The following YAP1 variants were observed in gnomAD, a reference collection of about 807,000 sequenced individuals.
The protein encoded by YAP1 is Yes1 associated transcriptional regulator.
In YAP1, 5 loss-of-function variants were observed where a neutral mutation model predicts 56.9. That is an observed-to-expected ratio of 0.09 (90% CI 0.05 to 0.18). The LOEUF is 0.18. YAP1 is among the 10% of genes least tolerant of loss of function. YAP1 has a pLI of 1.00. For missense variants in YAP1, 539 were observed against 651.8 expected (o/e 0.83, Z 1.88); for synonymous variants, 265 against 248.1 (o/e 1.07, Z -0.64).
Position 102,232,546 on chromosome 11 carries a change from C to T in YAP1, c.*2606C>T, listed in dbSNP as rs572137020. The T allele has an allele frequency of 2.0e-5, 3 of 152,646 alleles. No individual in the cohort carries two copies. Among genetic ancestry groups the T allele is most frequent in the African/African-American group, 7.2e-5 (3 of 41,532 alleles). 9.5% of individuals were successfully genotyped at this position (152,646 alleles called of 1,614,324 possible). ...ATCTTACGATGCCCTCTGTACTGAC[C>T]TGAAGGAGACCTAAGAGTCCTTTCC... On this transcript the variant is annotated 3_prime_UTR_variant, in exon 9 of 9. Coordinates refer to ENST00000282441, the MANE Select transcript of YAP1 (RefSeq NM_001130145.3).
At chr11:102,152,954 T>C (rs1591249355) in intron 2 of YAP1, among the ~76,000 whole-genome samples, 1 of 152,160 alleles carries the variant, frequency 6.6e-6, no homozygotes, top group Non-Finnish European at 1.5e-5. Context: ...ATTTGAGCTG[T>C]CCTCAAAGAC....
chr11:102,146,301 G>A lies in YAP1; in HGVS notation c.573-16155G>A, dbSNP rs1197073694. On this transcript the variant is annotated intron_variant, in intron 2 of 8. Transcript: ENST00000282441. Reference sequence around the variant, plus strand: ...ACCTCCCAAAGTGCGAGGGTTACAGGCGTGAGCCACCACACCCGGCCTCTA... The same window carrying A: ...ACCTCCCAAAGTGCGAGGGTTACAGACGTGAGCCACCACACCCGGCCTCTA... 6.6e-5 allele frequency among the ~76,000 whole-genome samples: 10 copies of A among 152,216 alleles called. No individual in the cohort carries two copies. The South Asian group carries it at 2.1e-3, about 32-fold the overall frequency.
chr11:102,228,071 TAAATTGGATATATTA>T (rs1950280284), intron 8 of YAP1, among the ~76,000 whole-genome samples: 1 of 150,474 alleles, frequency 6.6e-6, no homozygotes, highest in South Asian at 2.1e-4. Flanking sequence ...AAAAAAATCA[TAAATTGGATATATTA>T]GCTCTATTTG....
At chr11:102,123,724 C>T (rs1199164600) in intron 2 of YAP1, among the ~76,000 whole-genome samples, 4 of 150,062 alleles carry the variant, frequency 2.7e-5, no homozygotes, top group Non-Finnish European at 3.0e-5. Context: ...ACTGCAAGCT[C>T]CACCTCCTGG....
rs191268118 is a variant in YAP1, at chr11:102,120,025, G to A, written c.572+5631G>A. ...AAGGGAGGTCTTAAAGAGCTGTGTC[G>A]TTCTATAACTGTGGTTACTAGGTGA... On this transcript the variant is annotated intron_variant, in intron 2 of 8. Transcript: ENST00000282441. Among the ~76,000 whole-genome samples, 28 of 152,262 alleles carry A rather than the reference G, an allele frequency of 1.8e-4. No homozygotes were observed. In the East Asian group the frequency reaches 2.7e-3, roughly 15 times the overall value.
rs1419872780 is a variant in YAP1 at position 102,206,036 on chromosome 11, G to A, written c.946G>A (p.Glu316Lys). ...MRLQQLQMEKERLRLKQQELL... is the reference protein window; with the variant it reads ...MRLQQLQMEKKRLRLKQQELL... ...ACTGCAGCAACTGCAGATGGAGAAGGAGAGGCTGCGGCTGAAACAGCAAGA... is the reference window on the plus strand; with the variant it reads ...ACTGCAGCAACTGCAGATGGAGAAGAAGAGGCTGCGGCTGAAACAGCAAGA... Residue 316 changes from glutamate (E) to lysine (K), a missense_variant, in exon 5 of 9, where the codon GAG becomes AAG. This residue lies in a region of YAP1 where 414 missense variants were observed against 512.4 expected (regional missense o/e 0.81). Transcript: ENST00000282441. The A allele has an allele frequency of 6.2e-7, 1 of 1,614,070 alleles. No individual in the cohort carries two copies. The highest frequency in any genetic ancestry group is 2.2e-5 in the East Asian group (1 of 44,876).
chr11:102,210,535 C>T (rs1241654592), intron 6 of YAP1, among the ~76,000 whole-genome samples: 1 of 152,112 alleles, frequency 6.6e-6, no homozygotes, highest in Non-Finnish European at 1.5e-5. Flanking sequence ...CTTTATCTAT[C>T]TCATAAATGC....
At chr11:102,126,437 G>A (rs949611862) in intron 2 of YAP1, among the ~76,000 whole-genome samples, 6 of 152,130 alleles carry the variant, frequency 3.9e-5, no homozygotes, top group East Asian at 1.9e-4. Flanking sequence ...TGCTATTCTC[G>A]TGATAGTGAA....
chr11:102,149,004 A>G (rs752011472), intron 2 of YAP1, among the ~76,000 whole-genome samples: 14 of 152,064 alleles, frequency 9.2e-5, no homozygotes, highest in Admixed American at 5.9e-4. Flanking sequence ...TTACTTTTTT[A>G]CTGCTTTGTG....
intron 2 of YAP1, among the ~76,000 whole-genome samples, chr11:102,128,056 T>C (rs915875462): frequency 6.6e-6 from 1 of 152,160 alleles, no homozygotes; most frequent in Non-Finnish European, 1.5e-5. Context: ...TACAGGCCCA[T>C]AGGTGGAAGG....
At chr11:102,192,823 A>C (rs1948364058) in intron 4 of YAP1, among the ~76,000 whole-genome samples, 1 of 152,238 alleles carries the variant, frequency 6.6e-6, no homozygotes, top group Non-Finnish European at 1.5e-5. Flanking sequence ...CTCTGGTCAC[A>C]GTGTGGAATT....
At chr11:102,129,827 T>A (rs1023104210) in intron 2 of YAP1, among the ~76,000 whole-genome samples, 1 of 120,076 alleles carries the variant, frequency 8.3e-6, no homozygotes, top group Admixed American at 9.6e-5. Context: ...CGAAATGGGG[T>A]CTTGCTCTGT....
intron 4 of YAP1, among the ~76,000 whole-genome samples, chr11:102,196,236 G>C (rs1204801327): frequency 2.0e-5 from 3 of 152,016 alleles, no homozygotes; most frequent in Non-Finnish European, 2.9e-5. Flanking sequence ...TTGTGGGAAC[G>C]TATGTCTCCA....
chr11:102,174,915 A>G (rs1947148042), intron 3 of YAP1, among the ~76,000 whole-genome samples: 3 of 152,134 alleles, frequency 2.0e-5, no homozygotes, highest in African/African-American at 4.8e-5. Context: ...CAGAATTCCA[A>G]TCTAAGCCTT....
intron 2 of YAP1, among the ~76,000 whole-genome samples, chr11:102,136,863 C>T (rs199801286): frequency 2.0e-5 from 3 of 152,234 alleles, no homozygotes; most frequent in East Asian, 1.9e-4. Context: ...TGTTGTCTGT[C>T]GCTGTGTCAG....
At chr11:102,131,917 T>G (rs1257979505) in intron 2 of YAP1, among the ~76,000 whole-genome samples, 1 of 152,026 alleles carries the variant, frequency 6.6e-6, no homozygotes, top group Non-Finnish European at 1.5e-5. Flanking sequence ...GTAAAAGTGA[T>G]ACCAAGCCTG....
At chr11:102,111,206 G>A in intron 1 of YAP1, 37 bp downstream of exon 1, 1 of 1,607,378 alleles carries the variant, frequency 6.2e-7, no homozygotes, top group Non-Finnish European at 8.5e-7. Flanking sequence ...TCCCCGTCGG[G>A]CGGGCCTCAG....
intron 6 of YAP1, among the ~76,000 whole-genome samples, chr11:102,219,787 A>G (rs974997773): frequency 2.0e-5 from 3 of 151,934 alleles, no homozygotes; most frequent in Non-Finnish European, 4.4e-5. Context: ...GTTTTGAGAC[A>G]GAGTCTCGCT....
chr11:102,136,227 T>G (rs536602819), intron 2 of YAP1, among the ~76,000 whole-genome samples: 3 of 152,364 alleles, frequency 2.0e-5, no homozygotes, highest in African/African-American at 7.2e-5. Flanking sequence ...TTATTTTACT[T>G]TCTAAAGCAC....
Sources: gnomAD v4.1 joint callset for allele counts (sites outside exome capture counted in the v4.1 genomes callset) on GRCh38, gnomAD v4.1.1 for gene constraint, gnomAD v4.1.1 regional missense constraint, MANE v1.5 for transcripts, NCBI Gene and HGNC (gene_info 2026-07-23, HGNC 2026-07-21) for gene names.